SERGEF: variants seen among roughly 807,000 people sequenced by gnomAD.
SERGEF encodes the protein secretion regulating guanine nucleotide exchange factor, also known as secretion-regulating guanine nucleotide exchange factor.
In SERGEF, 51 loss-of-function variants were observed where a neutral mutation model predicts 50.0. The observed-to-expected ratio is 1.02, with a 90% CI of 0.81 to 1.29. The LOEUF (loss-of-function observed/expected upper bound fraction) is 1.29. Among genes scored for constraint, SERGEF ranks in the 50% most tolerant of loss-of-function variants. SERGEF has a pLI of 0.00. For synonymous variants in SERGEF, 205 were observed against 212.4 expected, an observed-to-expected ratio of 0.97 and a Z score of 0.30; for missense variants, 521 against 557.0, an observed-to-expected ratio of 0.94 and a Z score of 0.65.
chr11:17,847,076 C>T (rs918898773), intron 10 of SERGEF, among the ~76,000 whole-genome samples: 21 of 152,332 alleles, frequency 1.4e-4, no homozygotes, highest in African/African-American at 5.1e-4. Context: ...ACAGGGGAGG[C>T]TGTTCCTTTA....
rs773302698 is a variant in SERGEF, at chr11:17,988,653, T to G, written c.788A>C (p.Gln263Pro). 3.5e-5 allele frequency: 56 copies of G among 1,614,090 alleles called. No homozygotes were observed. The highest frequency in any genetic ancestry group is 4.7e-5 in the Non-Finnish European group (56 of 1,180,046). The part of the protein sequence containing the change: ...VPQKIEAHCF[Q>P]NEKVTAIWSG... ...CCAGATGGCAGTGACCTTTTCATTCTGGAAACAATGTGCTTCTATTTTCTG... is the reference window on the plus strand; with the variant it reads ...CCAGATGGCAGTGACCTTTTCATTCGGGAAACAATGTGCTTCTATTTTCTG... Residue 263 changes from glutamine (Q) to proline (P), a missense_variant, in exon 8 of 11, where the codon CAG (glutamine) becomes CCG (proline). Coordinates refer to ENST00000265965, the MANE Select transcript of SERGEF (RefSeq NM_012139.4).
At chr11:17,832,206 G>A (rs1850320793) in intron 10 of SERGEF, among the ~76,000 whole-genome samples, 1 of 152,194 alleles carries the variant, frequency 6.6e-6, no homozygotes. Flanking sequence ...CCTGGTGGGA[G>A]GTAACTGAAT....
At chr11:17,988,409 G>T (rs941839986) in intron 8 of SERGEF, among the ~76,000 whole-genome samples, 188 bp downstream of exon 8, 3 of 152,108 alleles carry the variant, frequency 2.0e-5, no homozygotes, top group African/African-American at 7.2e-5. Flanking sequence ...GCCCTTTTGG[G>T]TACAAACCTG....
At chr11:17,882,064 C>A (rs575529588) in intron 9 of SERGEF, among the ~76,000 whole-genome samples, 16 of 152,318 alleles carry the variant, frequency 1.1e-4, no homozygotes, top group African/African-American at 3.8e-4. Context: ...GGCCTTTATG[C>A]ATGCTATGCT....
chr11:17,843,589 A>G (rs1850547396), intron 10 of SERGEF, among the ~76,000 whole-genome samples: 1 of 152,238 alleles, frequency 6.6e-6, no homozygotes, highest in South Asian at 2.1e-4. Flanking sequence ...GAAGAAATCT[A>G]TAATGACTGA....
Position 17,980,528 on chromosome 11 carries a change from A to C in SERGEF, c.844+8069T>G, listed in dbSNP as rs547099961. 2.0e-5 allele frequency among the ~76,000 whole-genome samples: 3 copies of C among 152,366 alleles called. No individual in the cohort carries two copies. The South Asian group carries it at 6.2e-4, about 32-fold the overall frequency. ...ATATTCAAAATTCATCATAGAAAAC[A>C]AATTCACTCATAATCCCACCTGGCC... On this transcript the variant is annotated intron_variant, in intron 8 of 10. Coordinates refer to ENST00000265965, the MANE Select transcript of SERGEF (RefSeq NM_012139.4).
chr11:17,995,883 TC>T lies in SERGEF; in HGVS notation c.534del (p.Thr179LeufsTer28). 1 of 1,613,436 alleles carries T rather than the reference TC, an allele frequency of 6.2e-7. No individual in the cohort carries two copies. Among genetic ancestry groups the T allele is most frequent in the African/African-American group, 1.3e-5 (1 of 74,852 alleles). The stretch of plus-strand genomic sequence containing the variant: ...CGTCGTCCACATGATGCCAAACCAG[TC>T]CCCCACTGGAACACGATGCCACTCG... ...ATASGIVFQW[G>X]TGLASCGRRL... On this transcript the variant is annotated frameshift_variant, in exon 6 of 11. Coordinates refer to ENST00000265965, the MANE Select transcript of SERGEF (RefSeq NM_012139.4). LOFTEE classifies it high-confidence loss of function.
intron 5 of SERGEF, among the ~76,000 whole-genome samples, chr11:17,997,406 T>C (rs970286215): frequency 1.1e-4 from 16 of 152,092 alleles, no homozygotes; most frequent in African/African-American, 3.6e-4. Flanking sequence ...TTTGGAAAAA[T>C]TGGAACCTCG....
chr11:18,009,211 G>A (rs1000783599), intron 1 of SERGEF, among the ~76,000 whole-genome samples: 1 of 152,158 alleles, frequency 6.6e-6, no homozygotes, highest in African/African-American at 2.4e-5. Flanking sequence ...TGACCTGTTA[G>A]GCTCATTCTT....
chr11:17,980,738 G>T (rs947165312), intron 8 of SERGEF, among the ~76,000 whole-genome samples: 1 of 152,094 alleles, frequency 6.6e-6, no homozygotes, highest in Non-Finnish European at 1.5e-5. Flanking sequence ...GCCACAATTT[G>T]TTTAACCAAT....
chr11:17,944,942 G>A (rs752081630), intron 9 of SERGEF, among the ~76,000 whole-genome samples: 37 of 152,182 alleles, frequency 2.4e-4, no homozygotes, highest in Non-Finnish European at 4.6e-4. Context: ...TTAAAAGAAT[G>A]ATCTCATGAA....
intron 6 of SERGEF, 73 bp downstream of exon 6, chr11:17,995,723 T>A (rs1377728653): frequency 1.9e-6 from 2 of 1,036,820 alleles, no homozygotes; most frequent in Non-Finnish European, 2.9e-6. Context: ...ATCCATTTAA[T>A]CCTCTTCTGC....
intron 10 of SERGEF, among the ~76,000 whole-genome samples, chr11:17,820,013 A>T (rs1042665520): frequency 2.4e-4 from 37 of 151,456 alleles, no homozygotes; most frequent in East Asian, 1.4e-3. Context: ...AATTAAAAAA[A>T]AATTTTTTTT....
At chr11:17,921,154 T>C (rs1852148839) in intron 9 of SERGEF, among the ~76,000 whole-genome samples, 1 of 152,126 alleles carries the variant, frequency 6.6e-6, no homozygotes, top group Non-Finnish European at 1.5e-5. Context: ...AGCAAAAGAG[T>C]TGGTTCTGCA....
At chr11:17,995,679 A>G (rs1853822496) in intron 6 of SERGEF, 117 bp downstream of exon 6, 3 of 710,344 alleles carry the variant, frequency 4.2e-6, no homozygotes, top group Non-Finnish European at 7.2e-6. Flanking sequence ...CTAATAGAGA[A>G]AGTTAGAGAG....
intron 9 of SERGEF, among the ~76,000 whole-genome samples, chr11:17,889,815 C>T (rs1403630024): frequency 2.6e-5 from 4 of 151,962 alleles, no homozygotes; most frequent in Non-Finnish European, 5.9e-5. Flanking sequence ...GCAACTCTTC[C>T]GTGAGTTTGA....
intron 9 of SERGEF, among the ~76,000 whole-genome samples, chr11:17,957,138 G>C (rs539527743): frequency 6.6e-6 from 1 of 152,204 alleles, no homozygotes; most frequent in Non-Finnish European, 1.5e-5. Flanking sequence ...AAATGAAGCT[G>C]CCAGGGGGCT....
At chr11:17,979,540 G>C (rs554779086) in intron 8 of SERGEF, among the ~76,000 whole-genome samples, 5 of 152,230 alleles carry the variant, frequency 3.3e-5, no homozygotes, top group African/African-American at 9.6e-5. Context: ...CAGCTCCTCC[G>C]GGCAGGGTTA....
intron 8 of SERGEF, among the ~76,000 whole-genome samples, chr11:17,972,124 A>G (rs1565219257): frequency 6.6e-6 from 1 of 152,242 alleles, no homozygotes; most frequent in Non-Finnish European, 1.5e-5. Context: ...ATTTATTGAG[A>G]TGGAATCTAC....
Sources: gnomAD v4.1 joint callset for allele counts (sites outside exome capture counted in the v4.1 genomes callset) on GRCh38, gnomAD v4.1.1 for gene constraint, MANE v1.5 for transcripts, NCBI Gene and HGNC (gene_info 2026-07-23, HGNC 2026-07-21) for gene names.